The following EPHX2 variants were observed in gnomAD, a reference collection of about 807,000 sequenced individuals.
EPHX2 encodes epoxide hydrolase 2, also known as bifunctional epoxide hydrolase 2.
In EPHX2, 74 loss-of-function variants were observed where a neutral mutation model predicts 78.7. The ratio of observed to expected loss-of-function variants is 0.94; its 90% CI spans 0.78 to 1.14. The LOEUF is 1.14. EPHX2 is among the 50% of genes most tolerant of loss of function. The pLI is 0.00. For missense variants in EPHX2, 715 were observed against 702.5 expected (o/e 1.02, Z -0.20); for synonymous variants, 251 against 255.2 (o/e 0.98, Z 0.16).
At chr8:27,491,382 A>T (rs1394834916) in intron 1 of EPHX2, 73 bp downstream of exon 1, 5 of 1,169,890 alleles carry the variant, frequency 4.3e-6, no homozygotes, top group East Asian at 3.0e-5. Flanking sequence ...CTTGCAGCCC[A>T]GCTTTCAGAT....
intron 14 of EPHX2, chr8:27,539,249 A>G (rs1815316041): frequency 6.5e-6 from 1 of 153,306 alleles, no homozygotes. Flanking sequence ...TTGCTGCAGC[A>G]CTGTGGCCTT....
At chr8:27,537,082 C>T (rs1436592244) in intron 13 of EPHX2, among the ~76,000 whole-genome samples, 1 of 152,096 alleles carries the variant, frequency 6.6e-6, no homozygotes, top group Non-Finnish European at 1.5e-5. Flanking sequence ...ATGCTATTAC[C>T]ATTACCATTT....
chr8:27,513,498 A>T (rs1360723138), intron 6 of EPHX2, among the ~76,000 whole-genome samples: 1 of 152,040 alleles, frequency 6.6e-6, no homozygotes, highest in Admixed American at 6.6e-5. Flanking sequence ...GAATCACTTT[A>T]CCCCACCTTG....
chr8:27,519,375 C>T (rs1212170957), intron 9 of EPHX2, among the ~76,000 whole-genome samples: 1 of 152,156 alleles, frequency 6.6e-6, no homozygotes. Context: ...TGTGTCAGGA[C>T]AGTGGGTGGT....
chr8:27,534,627 G>C (rs769379789), intron 12 of EPHX2, among the ~76,000 whole-genome samples: 2 of 152,074 alleles, frequency 1.3e-5, no homozygotes, highest in South Asian at 2.1e-4. Flanking sequence ...CTGGGCAACA[G>C]AGCAAGACTC....
At chr8:27,538,120 G>C (rs922605481) in intron 13 of EPHX2, among the ~76,000 whole-genome samples, 1 of 152,194 alleles carries the variant, frequency 6.6e-6, no homozygotes, top group African/African-American at 2.4e-5. Context: ...TGGGAAGGCA[G>C]GCCTAGAGCT....
At position 27,505,147 on chromosome 8, in the gene EPHX2, G is replaced by T. The variant is rs1476281801; in HGVS notation, c.537+1G>T. ...CACCCTGAAGGCCAGCCCCAGTGAG[G>T]TACGGAGACACTTCCTTATGGCAGA... On this transcript the variant is annotated splice_donor_variant, in intron 4 of 18. Coordinates refer to ENST00000521400, the MANE Select transcript of EPHX2 (RefSeq NM_001979.6). LOFTEE classifies it high-confidence loss of function. 1.9e-6 allele frequency: 3 copies of T among 1,613,950 alleles called. No individual in the cohort carries two copies. The South Asian group carries it at 3.3e-5, about 18-fold the overall frequency.
chr8:27,512,843 A>G (rs576531705), intron 6 of EPHX2, among the ~76,000 whole-genome samples: 28 of 152,286 alleles, frequency 1.8e-4, no homozygotes, highest in South Asian at 8.3e-4. Flanking sequence ...ATGAAATGAC[A>G]ATAATATCTC....
intron 12 of EPHX2, among the ~76,000 whole-genome samples, chr8:27,533,414 T>C (rs1409210170): frequency 6.6e-6 from 1 of 152,228 alleles, no homozygotes; most frequent in Non-Finnish European, 1.5e-5. Flanking sequence ...GTCTGTAGGA[T>C]TTAAAGATAT....
Position 27,544,493 on chromosome 8 carries a change from C to T in EPHX2, c.1639C>T (p.Arg547Trp), listed in dbSNP as rs774684879. ...ILIKWLDSDA[R>W]NPPVVSKM ...CATTAAGTGGCTGGATTCTGATGCC[C>T]GGAACCCACCGGTGGTCTCAAAGAT... The change falls in exon 19 of 19, where the codon CGG (arginine) becomes TGG (tryptophan). Residue 547 changes from arginine to tryptophan, a missense_variant. Coordinates refer to ENST00000521400, the MANE Select transcript of EPHX2 (RefSeq NM_001979.6). 10 of 1,613,828 alleles carry T rather than the reference C, an allele frequency of 6.2e-6. No homozygotes were observed. The highest frequency in any genetic ancestry group is 3.3e-5 in the Admixed American group (2 of 60,008).
In EPHX2 at chr8:27,540,450, C is replaced by T. The variant is rs1815360498; in HGVS notation, c.1277-104C>T. ...CAAAAGATGGAGGCACTCATAAGGC[C>T]TTGCGCAAGTTCAGATGGTCTGCGA... On this transcript the variant is annotated intron_variant, in intron 14 of 18. Transcript: ENST00000521400. 1.1e-5 allele frequency: 10 copies of T among 939,738 alleles called. No individual in the cohort carries two copies. The South Asian group carries it at 1.4e-4, about 13-fold the overall frequency. The allele number at this position is 939,738 out of a possible 1,614,324, so 58.2% of individuals were successfully genotyped here. A position where few individuals can be genotyped will look rare whatever the true frequency, so the allele number is the denominator to read the frequency against.
intron 2 of EPHX2, 137 bp from the exon 3 acceptor site, chr8:27,503,467 T>C (rs1025497747): frequency 2.9e-5 from 30 of 1,023,172 alleles, no homozygotes; most frequent in Non-Finnish European, 3.9e-5. Flanking sequence ...GGAGAACATA[T>C]GTTGGCATTT....
At chr8:27,528,363 C>G (rs1814918553) in intron 12 of EPHX2, among the ~76,000 whole-genome samples, 2 of 152,136 alleles carry the variant, frequency 1.3e-5, no homozygotes, top group African/African-American at 4.8e-5. Flanking sequence ...CTGCATCCAG[C>G]CACTGGAACC....
chr8:27,516,533 C>A, intron 8 of EPHX2, 135 bp downstream of exon 8: 1 of 799,600 alleles, frequency 1.3e-6, no homozygotes, highest in Non-Finnish European at 2.1e-6. Flanking sequence ...CACCTCTTTC[C>A]TCTCCTACGG....
At chr8:27,540,415 G>C (rs904809041) in intron 14 of EPHX2, 139 bp from the exon 15 acceptor site, 11 of 678,830 alleles carry the variant, frequency 1.6e-5, no homozygotes, top group Non-Finnish European at 2.1e-5. Context: ...TCTGGCAAAG[G>C]ATAAGGGAAC....
intron 9 of EPHX2, among the ~76,000 whole-genome samples, chr8:27,520,313 CG>C (rs1814602245): frequency 6.6e-6 from 1 of 150,950 alleles, no homozygotes; most frequent in African/African-American, 2.4e-5. Context: ...TTACAGGCGC[CG>C]GCCACCGTGC....
At chr8:27,520,567 G>C (rs1406025339) in intron 9 of EPHX2, among the ~76,000 whole-genome samples, 1 of 151,910 alleles carries the variant, frequency 6.6e-6, no homozygotes, top group African/African-American at 2.4e-5. Flanking sequence ...GGATGATCTT[G>C]ATCTCTTGAC....
rs910788142 is a variant in EPHX2 at position 27,526,835 on chromosome 8, G to A, written c.1170+1362G>A. Among the ~76,000 whole-genome samples, 5 of 151,998 alleles carry A rather than the reference G, an allele frequency of 3.3e-5. No homozygotes were observed. The East Asian group carries it at 9.7e-4, about 29-fold the overall frequency. On this transcript the variant is annotated intron_variant, in intron 12 of 18. Transcript: ENST00000521400. The stretch of plus-strand genomic sequence containing the variant: ...TGTGATCATAGCTCACTGCAGCCCC[G>A]ACCTCTCCAGGCCCAGATGATCCTC...
At chr8:27,539,118 C>G (rs1815311304) in intron 14 of EPHX2, 1 of 170,184 alleles carries the variant, frequency 5.9e-6, no homozygotes, top group African/African-American at 2.4e-5. Flanking sequence ...AATTCCCCCA[C>G]CTGGAGCTCA....
Sources: gnomAD v4.1 joint callset for allele counts (sites outside exome capture counted in the v4.1 genomes callset) on GRCh38, gnomAD v4.1.1 for gene constraint, MANE v1.5 for transcripts, NCBI Gene and HGNC (gene_info 2026-07-23, HGNC 2026-07-21) for gene names.